The following TMPRSS15 variants were observed in gnomAD, a reference collection of about 807,000 sequenced individuals.
TMPRSS15 encodes enteropeptidase.
TMPRSS15 carries 128 observed loss-of-function variants against 125.3 expected under a neutral mutation model. That is an observed-to-expected ratio of 1.02 (90% CI 0.89 to 1.18). TMPRSS15 has a LOEUF of 1.18. TMPRSS15 is among the 50% of genes most tolerant of loss of function. The pLI is 0.00. For synonymous variants in TMPRSS15, 446 were observed against 423.2 expected, an observed-to-expected ratio of 1.05 and a Z score of -0.66; for missense variants, 1,283 against 1,212.7, an observed-to-expected ratio of 1.06 and a Z score of -0.86.
intron 13 of TMPRSS15, among the ~76,000 whole-genome samples, chr21:18,339,339 C>T (rs1034215301): frequency 1.3e-5 from 2 of 152,132 alleles, no homozygotes; most frequent in Admixed American, 6.6e-5. Context: ...TGTCTTCAAC[C>T]TAATGGTAGC....
intron 1 of TMPRSS15, among the ~76,000 whole-genome samples, chr21:18,463,414 A>G (rs1978591355): frequency 1.3e-5 from 2 of 152,112 alleles, no homozygotes; most frequent in Admixed American, 6.6e-5. Context: ...TATCCTAACT[A>G]TATATACACC....
intron 1 of TMPRSS15, among the ~76,000 whole-genome samples, chr21:18,474,054 C>T (rs1400431643): frequency 2.0e-5 from 3 of 152,034 alleles, no homozygotes; most frequent in African/African-American, 7.2e-5. Context: ...TTATTCAATG[C>T]TCCTACTTTC....
At chr21:18,346,015 A>G (rs2075505169) in intron 10 of TMPRSS15, among the ~76,000 whole-genome samples, 1 of 151,986 alleles carries the variant, frequency 6.6e-6, no homozygotes, top group Non-Finnish European at 1.5e-5. Context: ...AACATAATTA[A>G]TTATGTAGAC....
intron 24 of TMPRSS15, among the ~76,000 whole-genome samples, chr21:18,271,044 C>A (rs1354056699): frequency 6.6e-6 from 1 of 151,998 alleles, no homozygotes; most frequent in Non-Finnish European, 1.5e-5. Flanking sequence ...CATCTTTGGG[C>A]CCTATATTTA....
At chr21:18,314,918 A>C (rs980999269) in intron 17 of TMPRSS15, among the ~76,000 whole-genome samples, 4 of 152,112 alleles carry the variant, frequency 2.6e-5, no homozygotes, top group Non-Finnish European at 4.4e-5. Context: ...AATTACAGTT[A>C]ATAAGTGTGA....
At chr21:18,335,205 A>G (rs1475487749) in intron 13 of TMPRSS15, among the ~76,000 whole-genome samples, 1 of 152,220 alleles carries the variant, frequency 6.6e-6, no homozygotes, top group Non-Finnish European at 1.5e-5. Context: ...AGGGACAAAT[A>G]TTACACTCAG....
chr21:18,292,100 T>C (rs138739609), intron 21 of TMPRSS15, among the ~76,000 whole-genome samples: 1 of 152,316 alleles, frequency 6.6e-6, no homozygotes, highest in East Asian at 1.9e-4. Flanking sequence ...CCCATAACAA[T>C]ATATGCTTTC....
chr21:18,419,340 C>G (rs1234914557), intron 1 of TMPRSS15, among the ~76,000 whole-genome samples: 1 of 151,668 alleles, frequency 6.6e-6, no homozygotes, highest in Non-Finnish European at 1.5e-5. Flanking sequence ...ATTCTCCTGC[C>G]TCAGCCTCCT....
intron 15 of TMPRSS15, among the ~76,000 whole-genome samples, chr21:18,327,056 C>A (rs1177924336): frequency 6.6e-6 from 1 of 152,136 alleles, no homozygotes; most frequent in African/African-American, 2.4e-5. Context: ...ACCTTTTGCC[C>A]TTAATCCCTC....
chr21:18,464,969 T>C (rs2122955059), intron 1 of TMPRSS15, among the ~76,000 whole-genome samples: 5 of 152,102 alleles, frequency 3.3e-5, no homozygotes, highest in Non-Finnish European at 5.9e-5. Context: ...GAAGAAAATT[T>C]TAGGCCAATA....
intron 21 of TMPRSS15, among the ~76,000 whole-genome samples, chr21:18,282,097 CAAAA>C (rs954911028): frequency 0.039 from 975 of 24,732 alleles, 2 homozygotes; most frequent in African/African-American, 0.089. Context: ...GACTCCGCCT[CAAAA>C]AAAAAAAAAA....
intron 21 of TMPRSS15, among the ~76,000 whole-genome samples, chr21:18,281,889 G>A (rs1210340345): frequency 1.3e-5 from 2 of 151,622 alleles, no homozygotes; most frequent in African/African-American, 2.4e-5. Flanking sequence ...CAAGGTCAGG[G>A]GATCGAGACC....
intron 15 of TMPRSS15, 65 bp downstream of exon 15, chr21:18,329,102 ACG>A (rs983775586): frequency 1.2e-5 from 18 of 1,551,906 alleles, no homozygotes; most frequent in Admixed American, 8.8e-5. Flanking sequence ...TAATTAAGAA[ACG>A]CTCTTTCCAT....
At chr21:18,471,910 G>A (rs1323836941) in intron 1 of TMPRSS15, among the ~76,000 whole-genome samples, 1 of 152,128 alleles carries the variant, frequency 6.6e-6, no homozygotes, top group Non-Finnish European at 1.5e-5. Context: ...CACTCACTGT[G>A]GTTGGCCTGA....
intron 18 of TMPRSS15, among the ~76,000 whole-genome samples, chr21:18,306,954 G>A (rs2075045400): frequency 6.6e-6 from 1 of 152,084 alleles, no homozygotes; most frequent in African/African-American, 2.4e-5. Context: ...AGGCCTCATA[G>A]GATTTACTAG....
At chr21:18,387,437 C>T (rs1239757810) in intron 3 of TMPRSS15, among the ~76,000 whole-genome samples, 1 of 152,064 alleles carries the variant, frequency 6.6e-6, no homozygotes, top group African/African-American at 2.4e-5. Flanking sequence ...TATCTGTGCT[C>T]AAAGGGCAAA....
intron 19 of TMPRSS15, among the ~76,000 whole-genome samples, chr21:18,294,989 C>A (rs1019537244): frequency 5.3e-5 from 8 of 152,086 alleles, no homozygotes; most frequent in African/African-American, 1.7e-4. Context: ...ATTACAGGGC[C>A]TTATACACAA....
intron 18 of TMPRSS15, among the ~76,000 whole-genome samples, chr21:18,304,979 T>C (rs539095498): frequency 1.1e-4 from 16 of 152,096 alleles, no homozygotes; most frequent in African/African-American, 3.4e-4. Flanking sequence ...AAGAAGATTC[T>C]CCAAATTAAG....
rs188765008 is a variant in TMPRSS15 at position 18,440,745 on chromosome 21, G to A, written c.11-42416C>T. ...TAAATTCTTGTCATGACCTGTTCATGTAAATAAATTCTTATCATGACCTAT... is the reference window on the plus strand; with the variant it reads ...TAAATTCTTGTCATGACCTGTTCATATAAATAAATTCTTATCATGACCTAT... On this transcript the variant is annotated intron_variant, in intron 1 of 7. Transcript: ENST00000422787. 1.2e-4 allele frequency among the ~76,000 whole-genome samples: 19 copies of A among 152,178 alleles called. No homozygotes were observed. In the East Asian group the frequency reaches 3.1e-3, roughly 25 times the overall value.
Sources: allele counts gnomAD v4.1 joint callset (sites outside exome capture counted in the v4.1 genomes callset), GRCh38; gene constraint gnomAD v4.1.1; transcripts MANE v1.5; gene names NCBI Gene and HGNC (gene_info 2026-07-23, HGNC 2026-07-21).